DCAF8L2: variants seen among roughly 807,000 people sequenced by gnomAD.
DCAF8L2 encodes the protein DDB1- and CUL4-associated factor 8-like protein 2.
For missense variants in DCAF8L2, 430 were observed against 490.7 expected, an observed-to-expected ratio of 0.88 and a Z score of 1.17; for synonymous variants, 200 against 190.9, an observed-to-expected ratio of 1.05 and a Z score of -0.39.
chrX:27,644,919 T>G (rs1928882417), intron 2 of DCAF8L2, among the ~76,000 whole-genome samples: 1 of 111,666 alleles, frequency 9.0e-6, no homozygotes, highest in Non-Finnish European at 1.9e-5. Context: ...CACGCCCAAC[T>G]AATTTTTGTA....
chrX:27,512,563 G>A, the DCAF8L2 span, among the ~76,000 whole-genome samples: 4 of 104,659 alleles, frequency 3.8e-5, no homozygotes, highest in Admixed American at 1.1e-4. Flanking sequence ...GGGCACCTGC[G>A]ATTCCAGCTA....
rs913494230 is a variant in DCAF8L2 at position 27,674,423 on chromosome X, T to C, written c.-219-3413T>C. On this transcript the variant is annotated intron_variant, in intron 2 of 4. Coordinates refer to ENST00000451261, the MANE Select transcript of DCAF8L2 (RefSeq NM_001353450.2). ...GACAAAATTAGAAAAAGCAAAATAC[T>C]AGAAAACTAGGGCCTAAAGGTTGAA... Among the ~76,000 whole-genome samples, 4 of 111,242 alleles carry C rather than the reference T, an allele frequency of 3.6e-5. No homozygotes were observed. The Admixed American group carries it at 3.9e-4, about 11-fold the overall frequency.
chrX:27,595,901 G>A (rs935104561), intron 1 of DCAF8L2, among the ~76,000 whole-genome samples: 9 of 110,843 alleles, frequency 8.1e-5, no homozygotes, highest in African/African-American at 3.0e-4. Context: ...ATGGTGGTGC[G>A]TGCCTGTAGT....
chrX:27,696,593 A>G (rs913572389), intron 3 of DCAF8L2, among the ~76,000 whole-genome samples: 1 of 112,389 alleles, frequency 8.9e-6, no homozygotes, highest in Non-Finnish European at 1.9e-5. Flanking sequence ...GTCTGTATAC[A>G]GATACTCCTT....
intron 2 of DCAF8L2, among the ~76,000 whole-genome samples, chrX:27,658,585 AAATGCAAACCTG>A (rs1285798001): frequency 8.9e-6 from 1 of 112,419 alleles, no homozygotes; most frequent in Non-Finnish European, 1.9e-5. Context: ...GAATCTTGCT[AAATGCAAACCTG>A]AATGCAAACG....
Position 27,747,950 on chromosome X carries a change from G to T in DCAF8L2, c.1055G>T (p.Arg352Leu). The T allele has an allele frequency of 8.3e-7, 1 of 1,211,639 alleles. No individual in the cohort carries two copies. The highest frequency in any genetic ancestry group is 1.1e-6 in the Non-Finnish European group (1 of 895,459). The change falls in exon 5 of 5, where the codon CGG (arginine) becomes CTG (leucine). Residue 352 changes from arginine to leucine, a missense_variant. Coordinates refer to ENST00000451261, the MANE Select transcript of DCAF8L2 (RefSeq NM_001353450.2). ...VVFTIDLRQDRPASKVVVTRE... is the reference protein window; with the variant it reads ...VVFTIDLRQDLPASKVVVTRE... ...TTCACCATTGACCTCAGACAAGACC[G>T]GCCAGCTTCAAAAGTTGTGGTAACA...
intron 2 of DCAF8L2, among the ~76,000 whole-genome samples, chrX:27,674,657 T>C (rs754630935): frequency 2.7e-5 from 3 of 111,514 alleles, no homozygotes; most frequent in Admixed American, 9.6e-5. Context: ...TGCTTTGACA[T>C]TGGCAGGGGT....
the DCAF8L2 span, among the ~76,000 whole-genome samples, chrX:27,577,674 CT>C: frequency 2.7e-5 from 3 of 111,466 alleles, no homozygotes; most frequent in Non-Finnish European, 5.7e-5. Flanking sequence ...CCAAAAGCTT[CT>C]TAAGCTGATA....
At chrX:27,625,312 G>A (rs1390486057) in intron 1 of DCAF8L2, among the ~76,000 whole-genome samples, 3 of 111,684 alleles carry the variant, frequency 2.7e-5, no homozygotes, top group African/African-American at 6.5e-5. Flanking sequence ...TCTCACACCA[G>A]TCAGAATGGC....
the DCAF8L2 span, among the ~76,000 whole-genome samples, chrX:27,542,271 C>A: frequency 2.7e-4 from 30 of 111,384 alleles, no homozygotes; most frequent in Non-Finnish European, 3.8e-4. Flanking sequence ...TTTGAGAAAT[C>A]TCCAAACTGC....
At chrX:27,677,313 A>C (rs60345126) in intron 2 of DCAF8L2, among the ~76,000 whole-genome samples, 10,481 of 111,300 alleles carry the variant, frequency 0.094, 1,191 homozygotes, top group African/African-American at 0.33. Flanking sequence ...TGGTTGATGC[A>C]CTCCTGAGAA....
the DCAF8L2 span, among the ~76,000 whole-genome samples, chrX:27,500,211 T>C: frequency 3.6e-5 from 4 of 111,780 alleles, no homozygotes; most frequent in African/African-American, 1.3e-4. Context: ...ATTAAAATAG[T>C]GTAATCCACC....
At chrX:27,704,235 C>T (rs1383870605) in intron 3 of DCAF8L2, among the ~76,000 whole-genome samples, 1 of 86,795 alleles carries the variant, frequency 1.2e-5, no homozygotes, top group Non-Finnish European at 2.1e-5. Flanking sequence ...TGCGTGTACA[C>T]ACGTGCGCAC....
chrX:27,628,049 A>C (rs1365316383), intron 1 of DCAF8L2, among the ~76,000 whole-genome samples: 1 of 111,588 alleles, frequency 9.0e-6, no homozygotes, highest in African/African-American at 3.3e-5. Context: ...GAACTTATTC[A>C]TCTAGCATAA....
chrX:27,728,932 T>C (rs1457721643), intron 4 of DCAF8L2, among the ~76,000 whole-genome samples: 2 of 112,017 alleles, frequency 1.8e-5, no homozygotes, highest in African/African-American at 6.5e-5. Context: ...GTATCCATAG[T>C]GCCTATAAAA....
At chrX:27,532,367 C>T in the DCAF8L2 span, among the ~76,000 whole-genome samples, 2 of 111,557 alleles carry the variant, frequency 1.8e-5, no homozygotes, top group African/African-American at 6.5e-5. Context: ...TCTGAAAGGG[C>T]TTCCACTAGC....
chrX:27,744,138 C>G (rs1014687042), intron 4 of DCAF8L2, among the ~76,000 whole-genome samples: 8 of 111,510 alleles, frequency 7.2e-5, no homozygotes, highest in Non-Finnish European at 1.5e-4. Context: ...TACTTTTTCT[C>G]GGGAGTATCA....
At chrX:27,518,889 C>A in the DCAF8L2 span, 13 of 559,013 alleles carry the variant, frequency 2.3e-5, no homozygotes, top group Admixed American at 2.9e-4. Context: ...GGAGTGAAAT[C>A]AGAAATATTT....
chrX:27,613,039 G>C (rs1283463527), intron 1 of DCAF8L2, among the ~76,000 whole-genome samples: 1 of 111,644 alleles, frequency 9.0e-6, no homozygotes, highest in African/African-American at 3.3e-5. Flanking sequence ...ATTACTTTGG[G>C]CAGTATGGCC....
Sources: allele counts gnomAD v4.1 joint callset (sites outside exome capture counted in the v4.1 genomes callset), GRCh38; gene constraint gnomAD v4.1.1; transcripts MANE v1.5; gene names NCBI Gene and HGNC (gene_info 2026-07-23, HGNC 2026-07-21).